The following MACROD2 variants were observed in gnomAD, a reference collection of about 807,000 sequenced individuals.
MACROD2 encodes the protein ADP-ribose glycohydrolase MACROD2.
Under a neutral mutation model 70.4 loss-of-function variants are expected in MACROD2, and 36 were observed. That is an observed-to-expected ratio of 0.51 (90% CI 0.39 to 0.68). The LOEUF is 0.68. MACROD2 is among the 30% of genes least tolerant of loss of function. The pLI is 0.00. For missense variants in MACROD2, 496 were observed against 538.4 expected, an observed-to-expected ratio of 0.92 and a Z score of 0.78; for synonymous variants, 172 against 178.8, an observed-to-expected ratio of 0.96 and a Z score of 0.30.
intron 8 of MACROD2, among the ~76,000 whole-genome samples, chr20:15,807,680 G>A (rs1049394003): frequency 1.3e-5 from 2 of 152,032 alleles, no homozygotes; most frequent in African/African-American, 4.8e-5. Context: ...TGGATATATT[G>A]AGTTAAATAA....
intron 7 of MACROD2, among the ~76,000 whole-genome samples, chr20:15,482,026 A>G (rs1034520272): frequency 4.6e-5 from 7 of 152,106 alleles, no homozygotes; most frequent in African/African-American, 1.7e-4. Context: ...CAAGGAATGA[A>G]TTGTCATACC....
At chr20:14,275,992 G>T (rs2082251156) in intron 3 of MACROD2, among the ~76,000 whole-genome samples, 1 of 152,076 alleles carries the variant, frequency 6.6e-6, no homozygotes, top group South Asian at 2.1e-4. Flanking sequence ...TGCTGGAGAG[G>T]ATGTGGAGAA....
intron 3 of MACROD2, among the ~76,000 whole-genome samples, chr20:14,347,217 A>AT (rs1175273100): frequency 6.6e-6 from 1 of 152,186 alleles, no homozygotes; most frequent in Non-Finnish European, 1.5e-5. Context: ...TAGTAGGTAG[A>AT]TTTTGGACTC....
chr20:14,487,029 C>T (rs1326127738), intron 3 of MACROD2, among the ~76,000 whole-genome samples: 1 of 152,184 alleles, frequency 6.6e-6, no homozygotes, highest in African/African-American at 2.4e-5. Flanking sequence ...TCCTTAAACT[C>T]CCATGAGGGC....
intron 5 of MACROD2, among the ~76,000 whole-genome samples, chr20:15,125,918 T>C (rs7268821): frequency 0.25 from 34,706 of 141,048 alleles, 5,572 homozygotes; most frequent in Non-Finnish European, 0.35. Context: ...GGACATTTCA[T>C]ATAAATACAG....
chr20:15,546,791 A>G (rs1256325627), intron 8 of MACROD2, among the ~76,000 whole-genome samples: 2 of 152,076 alleles, frequency 1.3e-5, no homozygotes, highest in South Asian at 4.1e-4. Flanking sequence ...TAATGTCACT[A>G]TTTTACCACG....
Position 15,306,388 on chromosome 20 carries a change from C to T in MACROD2, c.540+76327C>T, listed in dbSNP as rs149918310. Among the ~76,000 whole-genome samples the T allele has an allele frequency of 6.5e-3, 986 of 152,238 alleles. 16 individuals are homozygous for T. The highest frequency in any genetic ancestry group is 0.023 in the African/African-American group (950 of 41,538). On this transcript the variant is annotated intron_variant, in intron 6 of 17. Coordinates refer to ENST00000684519, the MANE Select transcript of MACROD2 (RefSeq NM_001351661.2). Reference sequence around the variant, plus strand: ...GCACTTATTATGTGCCATGCGCATGCTAAATACTTTACATACATTATCCCA... The same window carrying T: ...GCACTTATTATGTGCCATGCGCATGTTAAATACTTTACATACATTATCCCA...
chr20:15,722,371 G>A (rs569480988), intron 8 of MACROD2, among the ~76,000 whole-genome samples: 3 of 152,138 alleles, frequency 2.0e-5, no homozygotes, highest in Non-Finnish European at 4.4e-5. Flanking sequence ...CATCCTCACC[G>A]ACATTTTGCT....
chr20:14,232,328 TCTTCGAAG>T (rs1373270298), intron 3 of MACROD2, among the ~76,000 whole-genome samples: 1 of 152,228 alleles, frequency 6.6e-6, no homozygotes, highest in African/African-American at 2.4e-5. Context: ...GTCTTTTGAC[TCTTCGAAG>T]CTAAGTATTG....
rs905580031 is a variant in MACROD2 at position 15,556,384 on chromosome 20, GT to G, written c.645+56547del. Reference sequence around the variant, plus strand: ...CTCTTGATTTATACTAAGACATCTGGTTTTTTTTTTCCCAAAATCTTTGCTT... The same window carrying G: ...CTCTTGATTTATACTAAGACATCTGGTTTTTTTTTCCCAAAATCTTTGCTT... On this transcript the variant is annotated intron_variant, in intron 8 of 17. Coordinates refer to ENST00000684519, the MANE Select transcript of MACROD2 (RefSeq NM_001351661.2). Among the ~76,000 whole-genome samples the G allele has an allele frequency of 6.0e-5, 9 of 149,036 alleles. No individual in the cohort carries two copies. In the East Asian group the frequency reaches 7.9e-4, roughly 13 times the overall value.
intron 4 of MACROD2, among the ~76,000 whole-genome samples, chr20:14,617,599 C>A (rs1983556668): frequency 6.6e-6 from 1 of 152,086 alleles, no homozygotes; most frequent in African/African-American, 2.4e-5. Flanking sequence ...TAGGTTGCTT[C>A]ACAGATGATT....
intron 8 of MACROD2, among the ~76,000 whole-genome samples, chr20:15,614,022 A>T (rs1422420838): frequency 6.6e-6 from 1 of 152,200 alleles, no homozygotes; most frequent in Non-Finnish European, 1.5e-5. Context: ...CTAAAGTAGG[A>T]TTATATCAAT....
At chr20:14,840,494 C>T (rs2073075855) in intron 5 of MACROD2, among the ~76,000 whole-genome samples, 1 of 152,130 alleles carries the variant, frequency 6.6e-6, no homozygotes, top group Non-Finnish European at 1.5e-5. Context: ...ACCTCAGCCT[C>T]TCAAAGTGCT....
chr20:15,091,372 A>G (rs1189736065), intron 5 of MACROD2, among the ~76,000 whole-genome samples: 2 of 152,174 alleles, frequency 1.3e-5, no homozygotes, highest in Admixed American at 6.6e-5. Flanking sequence ...AATGAAAAAT[A>G]AAAGTTTTTA....
intron 5 of MACROD2, among the ~76,000 whole-genome samples, chr20:14,911,012 C>A (rs2074020203): frequency 6.6e-6 from 1 of 152,132 alleles, no homozygotes; most frequent in Non-Finnish European, 1.5e-5. Context: ...TTTTGCTTCT[C>A]TTCAACTCTA....
intron 3 of MACROD2, among the ~76,000 whole-genome samples, chr20:14,338,137 C>T (rs2082970877): frequency 6.6e-6 from 1 of 152,160 alleles, no homozygotes; most frequent in Non-Finnish European, 1.5e-5. Flanking sequence ...TGTGGTGGCT[C>T]ACGCCTCTAA....
chr20:15,278,593 CA>C lies in MACROD2; in HGVS notation c.540+48534del, dbSNP rs1466818931. 2.6e-5 allele frequency among the ~76,000 whole-genome samples: 4 copies of C among 152,156 alleles called. No individual in the cohort carries two copies. The East Asian group carries it at 7.7e-4, about 29-fold the overall frequency. On this transcript the variant is annotated intron_variant, in intron 6 of 17. Coordinates refer to ENST00000684519, the MANE Select transcript of MACROD2 (RefSeq NM_001351661.2). ...AACGTACACATGATAAAACAGGTAG[CA>C]ATGGAGATCCATTATCTCACCTACT...
At chr20:14,839,327 T>G (rs1397669383) in intron 5 of MACROD2, among the ~76,000 whole-genome samples, 6 of 152,124 alleles carry the variant, frequency 3.9e-5, no homozygotes, top group Non-Finnish European at 8.8e-5. Context: ...TCTGATGGAA[T>G]GAGAGATCGC....
intron 5 of MACROD2, among the ~76,000 whole-genome samples, chr20:14,764,754 A>G (rs1484860712): frequency 4.6e-5 from 7 of 152,142 alleles, no homozygotes; most frequent in African/African-American, 7.2e-5. Context: ...TTCAGAATCT[A>G]TGAATGTGTC....
Sources: gnomAD v4.1 joint callset for allele counts (sites outside exome capture counted in the v4.1 genomes callset) on GRCh38, gnomAD v4.1.1 for gene constraint, MANE v1.5 for transcripts, NCBI Gene and HGNC (gene_info 2026-07-23, HGNC 2026-07-21) for gene names.